DIDO1: variants seen among roughly 807,000 people sequenced by gnomAD.
DIDO1 encodes death inducer-obliterator 1, also known as death-inducer obliterator 1.
Under a neutral mutation model 99.4 loss-of-function variants are expected in DIDO1, and 16 were observed. The observed-to-expected ratio is 0.16, with a 90% confidence interval of 0.11 to 0.24. The LOEUF is 0.24. DIDO1 is among the 10% of genes least tolerant of loss of function. The pLI is 1.00. For missense variants in DIDO1, 2,996 were observed against 3,014.0 expected (o/e 0.99, Z 0.14); for synonymous variants, 1,366 against 1,239.1 (o/e 1.10, Z -2.15).
intron 1 of DIDO1, among the ~76,000 whole-genome samples, chr20:62,923,189 T>A (rs1235059337): frequency 6.6e-6 from 1 of 151,840 alleles, no homozygotes; most frequent in Non-Finnish European, 1.5e-5. Flanking sequence ...ATTATTATTT[T>A]TTTTTTGAGA....
chr20:62,890,905 A>G (rs2064382771), intron 15 of DIDO1, 55 bp downstream of exon 15: 1 of 1,611,968 alleles, frequency 6.2e-7, no homozygotes, highest in Non-Finnish European at 8.5e-7. Flanking sequence ...TGTCAGTGGG[A>G]GGAGGGGTGC....
intron 14 of DIDO1, among the ~76,000 whole-genome samples, chr20:62,891,717 C>T (rs2064402905): frequency 6.6e-6 from 1 of 152,056 alleles, no homozygotes; most frequent in Admixed American, 6.5e-5. Context: ...AAACTTCTAC[C>T]GCGGCACACT....
Position 62,881,183 on chromosome 20 carries a change from G to T in DIDO1, c.4773C>A (p.Pro1591=). ...GGCCACCCCTGGAAGCATCTCTCTC[G>T]GGCAGGGCACCCTGGGCACCACGTG... ...LSARGAQGAL[P]ERDASRGGLV... Residue 1591 remains proline, a synonymous_variant, in exon 16 of 16, where the codon CCC becomes CCA. Coordinates refer to ENST00000395343, the MANE Select transcript of DIDO1 (RefSeq NM_001193369.2). This position sits in a 1 kb window ranked among gnomAD's most constrained non-coding sequence, Gnocchi z 8.3. 6.2e-7 allele frequency: 1 copy of T among 1,608,132 alleles called. No homozygotes were observed.
chr20:62,905,773 G>A, intron 6 of DIDO1, 114 bp downstream of exon 6: 1 of 1,610,154 alleles, frequency 6.2e-7, no homozygotes, highest in Non-Finnish European at 8.5e-7. Flanking sequence ...TGCAGCCGGT[G>A]TCTGTGATCA....
chr20:62,882,048 G>C lies in DIDO1; in HGVS notation c.3908C>G (p.Thr1303Ser). Residue 1303 changes from threonine to serine, a missense_variant, in exon 16 of 16, where the codon ACC becomes AGC. Thr to Ser is a moderately conservative substitution (Grantham distance 58, BLOSUM62 1). Transcript: ENST00000395343. ...AAAASTAASS[T>S]ASSASKTASP... is the part of the protein sequence containing the mutation. The stretch of plus-strand genomic sequence containing the variant: ...TGCTGTTTTGGAAGCAGACGAAGCG[G>C]TGGAGGAAGCTGCCGTGGAGGCTGC... 6.2e-7 allele frequency: 1 copy of C among 1,613,626 alleles called. No homozygotes were observed. The highest frequency in any genetic ancestry group is 1.1e-5 in the South Asian group (1 of 91,088).
chr20:62,905,590 A>G (rs1042476427), intron 6 of DIDO1: 38 of 1,551,152 alleles, frequency 2.4e-5, no homozygotes, highest in East Asian at 2.0e-4. Context: ...GAATACGAAT[A>G]CTTACCAGAG....
At chr20:62,901,220 G>A (rs1365950356) in intron 6 of DIDO1, among the ~76,000 whole-genome samples, 4 of 152,328 alleles carry the variant, frequency 2.6e-5, no homozygotes, top group African/African-American at 9.6e-5. Context: ...CGCCCTTGCA[G>A]GGTCCACAGC....
chr20:62,894,038 A>C lies in DIDO1; in HGVS notation c.2729T>G (p.Val910Gly). Reference protein sequence around the residue: ...DEVMPEAVPEVASEPGLESAS... With the variant: ...DEVMPEAVPEGASEPGLESAS... ...ACTTTCTAGGCCTGGCTCAGAGGCA[A>C]CTTCAGGCACAGCCTCCGGCATCAC... Residue 910 changes from valine to glycine, a missense_variant, in exon 12 of 16, where the codon GTT (valine) becomes GGT (glycine). Transcript: ENST00000395343. This position sits in a 1 kb window ranked among gnomAD's most constrained non-coding sequence, Gnocchi z 4.4. The C allele has an allele frequency of 6.2e-7, 1 of 1,614,242 alleles. No homozygotes were observed. Among genetic ancestry groups the C allele is most frequent in the Non-Finnish European group, 8.5e-7 (1 of 1,180,048 alleles).
rs997951864 is a variant in DIDO1 at position 62,915,229 on chromosome 20, G to A, written c.-199-823C>T. Among the ~76,000 whole-genome samples the A allele has an allele frequency of 2.6e-5, 4 of 152,162 alleles. No individual in the cohort carries two copies. In the South Asian group the frequency reaches 8.3e-4, roughly 32 times the overall value. On this transcript the variant is annotated intron_variant, in intron 1 of 15. Coordinates refer to ENST00000395343, the MANE Select transcript of DIDO1 (RefSeq NM_001193369.2). ...GTGTTTCGCATCTGTGATCCCAGCTGCTTGGGAGGACTGCTTGAGCCCAGG... is the reference window on the plus strand; with the variant it reads ...GTGTTTCGCATCTGTGATCCCAGCTACTTGGGAGGACTGCTTGAGCCCAGG...
At chr20:62,931,942 A>C (rs975696342) in intron 1 of DIDO1, among the ~76,000 whole-genome samples, 2 of 152,256 alleles carry the variant, frequency 1.3e-5, no homozygotes, top group African/African-American at 4.8e-5. Flanking sequence ...TCACAAAAAC[A>C]AAATGGTAAA....
In DIDO1 at chr20:62,891,008, T is replaced by C. The variant is rs1018614100; in HGVS notation, c.3493A>G (p.Ser1165Gly). Residue 1165 changes from serine (S) to glycine (G), a missense_variant, in exon 15 of 16, where the codon AGC becomes GGC. Transcript: ENST00000395343. The stretch of plus-strand genomic sequence containing the variant: ...TTGGATGGAACAGGGTCCTGGGCGC[T>C]CAGCGGGATCAGGTAGAGGTCCTTG... ...HVKDLYLIPL[S>G]AQDPVPSKLL... The C allele has an allele frequency of 4.1e-5, 66 of 1,614,124 alleles. No homozygotes were observed. Among genetic ancestry groups the C allele is most frequent in the Non-Finnish European group, 5.3e-5 (63 of 1,180,034 alleles).
In DIDO1 at chr20:62,878,427, C is replaced by A. The variant is rs758771282; in HGVS notation, c.*806G>T. On this transcript the variant is annotated 3_prime_UTR_variant, in exon 16 of 16. Coordinates refer to ENST00000395343, the MANE Select transcript of DIDO1 (RefSeq NM_001193369.2). ...AGTTTGGGGCCGAGCGTACTTTTCC[C>A]GGGATACAGAAGAACTGCTCAGAAG... is the stretch of plus-strand genomic sequence containing the variant. 1 of 152,126 alleles carries A rather than the reference C, an allele frequency of 6.6e-6. No individual in the cohort carries two copies. The highest frequency in any genetic ancestry group is 2.4e-5 in the African/African-American group (1 of 41,406). The allele number at this position is 152,126 out of a possible 1,614,324, so 9.4% of individuals were successfully genotyped here.
At position 62,894,302 on chromosome 20, in the gene DIDO1, C is replaced by A; in HGVS notation, c.2573-108G>T. 1.9e-6 allele frequency: 3 copies of A among 1,572,718 alleles called. No individual in the cohort carries two copies. In the South Asian group the frequency reaches 3.4e-5, roughly 18 times the overall value. Reference sequence around the variant, plus strand: ...AAGGCAGGGCAGGAAATCATTCTGGCCCTTCTGCGTGTTTAAGCTTACGTG... The same window carrying A: ...AAGGCAGGGCAGGAAATCATTCTGGACCTTCTGCGTGTTTAAGCTTACGTG... On this transcript the variant is annotated intron_variant, in intron 11 of 15. Transcript: ENST00000395343. The surrounding 1 kb of genome is among the most constrained non-coding windows in gnomAD (Gnocchi z 4.4).
At chr20:62,928,761 G>A (rs1257811964), upstream of DIDO1, 1 of 152,212 alleles carries the variant, frequency 6.6e-6, no homozygotes, top group Non-Finnish European at 1.5e-5. Context: ...ACAACAGGAT[G>A]TGGCCCAGAA....
chr20:62,881,833 C>T lies in DIDO1; in HGVS notation c.4123G>A (p.Ala1375Thr). 4 of 1,613,572 alleles carry T rather than the reference C, an allele frequency of 2.5e-6. No individual in the cohort carries two copies. The highest frequency in any genetic ancestry group is 3.4e-6 in the Non-Finnish European group (4 of 1,180,024). ...CTGTCGTCCTCCTCTTCCTCTAGAG[C>T]CTTATCTTTTGAGAACTGACCGAAC... Reference protein sequence around the residue: ...QQFGQFSKDKALEEEEDDRPY... With the variant: ...QQFGQFSKDKTLEEEEDDRPY... The change falls in exon 16 of 16, where the codon GCT becomes ACT. Residue 1375 changes from alanine to threonine, a missense_variant. This residue lies in a region of DIDO1 where 1,562 missense variants were observed against 1,412.6 expected (regional missense o/e 1.11). Transcript: ENST00000395343. This position sits in a 1 kb window ranked among gnomAD's most constrained non-coding sequence, Gnocchi z 8.3.
chr20:62,920,855 C>CCA (rs2065123602), intron 1 of DIDO1, among the ~76,000 whole-genome samples: 1 of 152,168 alleles, frequency 6.6e-6, no homozygotes. Context: ...AAAACAGGTT[C>CCA]CACTAAATGG....
intron 1 of DIDO1, among the ~76,000 whole-genome samples, chr20:62,921,907 AAT>A (rs899716630): frequency 4.0e-5 from 6 of 149,534 alleles, no homozygotes; most frequent in East Asian, 3.9e-4. Context: ...ATATATCCAC[AAT>A]ATATATACAC....
intron 15 of DIDO1, among the ~76,000 whole-genome samples, chr20:62,883,554 C>T (rs950923333): frequency 6.7e-6 from 1 of 149,542 alleles, no homozygotes; most frequent in South Asian, 2.1e-4. Context: ...GGGCCGGGTA[C>T]GGTGGCTCAC....
intron 13 of DIDO1, among the ~76,000 whole-genome samples, chr20:62,892,308 C>T (rs1478792530): frequency 2.0e-5 from 3 of 152,126 alleles, no homozygotes; most frequent in Admixed American, 6.5e-5. Flanking sequence ...AAATGACTGC[C>T]CAACACTTCT....
Sources: allele counts gnomAD v4.1 joint callset (sites outside exome capture counted in the v4.1 genomes callset), GRCh38; gene constraint gnomAD v4.1.1; regional missense constraint gnomAD v4.1.1; non-coding constraint Gnocchi (gnomAD v3.1); transcripts MANE v1.5; gene names NCBI Gene and HGNC (gene_info 2026-07-23, HGNC 2026-07-21).